The following FYB2 variants were observed in gnomAD, a reference collection of about 807,000 sequenced individuals.
The protein encoded by FYB2 is FYN binding protein 2.
FYB2 carries 103 observed loss-of-function variants against 94.1 expected under a neutral mutation model. That is an observed-to-expected ratio of 1.09 (90% CI 0.93 to 1.29). The LOEUF (loss-of-function observed/expected upper bound fraction) is 1.29. Among genes scored for constraint, FYB2 ranks in the 50% most tolerant of loss-of-function variants. The pLI is 0.00. For synonymous variants in FYB2, 293 were observed against 287.9 expected (o/e 1.02, Z -0.18); for missense variants, 896 against 841.5 (o/e 1.06, Z -0.80).
intron 4 of FYB2, among the ~76,000 whole-genome samples, chr1:56,775,822 G>C (rs1056876626): frequency 6.6e-6 from 1 of 152,172 alleles, no homozygotes; most frequent in Non-Finnish European, 1.5e-5. Flanking sequence ...CTATTAGCTA[G>C]AGACATAATG....
chr1:56,801,968 T>G (rs1273751746), intron 1 of FYB2, among the ~76,000 whole-genome samples: 1 of 152,190 alleles, frequency 6.6e-6, no homozygotes, highest in Non-Finnish European at 1.5e-5. Flanking sequence ...CTTTGCAGTT[T>G]TTAGGGGCTG....
At chr1:56,722,397 G>A (rs928948101) in intron 17 of FYB2, among the ~76,000 whole-genome samples, 2 of 152,058 alleles carry the variant, frequency 1.3e-5, no homozygotes, top group Non-Finnish European at 2.9e-5. Flanking sequence ...AGTGTAATAT[G>A]ATGAACATGT....
chr1:56,806,755 A>C (rs1017526123), intron 1 of FYB2, among the ~76,000 whole-genome samples: 3 of 134,728 alleles, frequency 2.2e-5, no homozygotes, highest in Non-Finnish European at 4.8e-5. Context: ...CAAAACCAAA[A>C]AATGCTATGG....
chr1:56,803,722 G>A (rs1252434370), intron 1 of FYB2, among the ~76,000 whole-genome samples: 5 of 152,306 alleles, frequency 3.3e-5, no homozygotes, highest in Non-Finnish European at 5.9e-5. Flanking sequence ...ACAGCTTTAT[G>A]TTGCAGTCAC....
chr1:56,733,558 T>C (rs1052301210), intron 15 of FYB2, among the ~76,000 whole-genome samples: 3 of 152,308 alleles, frequency 2.0e-5, no homozygotes, highest in Non-Finnish European at 4.4e-5. Flanking sequence ...CTTCTTTCTC[T>C]TGTGGGCATT....
intron 15 of FYB2, among the ~76,000 whole-genome samples, chr1:56,735,544 T>C (rs778756795): frequency 2.0e-4 from 31 of 152,142 alleles, no homozygotes; most frequent in Non-Finnish European, 4.3e-4. Flanking sequence ...ACCACTGATA[T>C]GGTCAGGCTT....
At chr1:56,757,353 A>G (rs753972206) in intron 6 of FYB2, among the ~76,000 whole-genome samples, 14 of 152,062 alleles carry the variant, frequency 9.2e-5, no homozygotes, top group Non-Finnish European at 1.5e-4. Flanking sequence ...AGCAAGCATA[A>G]GAGAACCAAA....
Position 56,819,322 on chromosome 1 carries a change from A to C in FYB2, c.-32T>G, listed in dbSNP as rs781163907. 6.2e-7 allele frequency: 1 copy of C among 1,614,136 alleles called. No homozygotes were observed. Among genetic ancestry groups the C allele is most frequent in the East Asian group, 2.2e-5 (1 of 44,876 alleles). The stretch of plus-strand genomic sequence containing the variant: ...CCTCCAAGGCAGAGTCAGGGAAACA[A>C]GCCCAGCCTCTCAGAGCTGGGTCCT... On this transcript the variant is annotated 5_prime_UTR_variant, in exon 1 of 20. Coordinates refer to ENST00000343433, the MANE Select transcript of FYB2 (RefSeq NM_001004303.5).
At chr1:56,819,602 C>G (rs930731019), upstream of FYB2, 51 of 525,534 alleles carry the variant, frequency 9.7e-5, no homozygotes, top group Admixed American at 3.5e-4. Context: ...CGTTGCTCCC[C>G]TCCGGCTGGT....
At chr1:56,722,570 A>G (rs568073664) in intron 17 of FYB2, among the ~76,000 whole-genome samples, 46 of 152,206 alleles carry the variant, frequency 3.0e-4, no homozygotes, top group Admixed American at 5.2e-4. Flanking sequence ...TCAGATACAG[A>G]AAAGTGCAAA....
intron 6 of FYB2, among the ~76,000 whole-genome samples, chr1:56,757,702 C>CT (rs1259138384): frequency 1.2e-5 from 1 of 81,252 alleles, no homozygotes; most frequent in Non-Finnish European, 2.3e-5. Context: ...TTCTTTCTTT[C>CT]TTTCTTTCTT....
chr1:56,726,646 A>G, intron 15 of FYB2, 63 bp from the exon 16 acceptor site: 1 of 1,330,066 alleles, frequency 7.5e-7, no homozygotes. Flanking sequence ...TGGAACCATC[A>G]ACACTTCATG....
At chr1:56,787,147 C>G in intron 4 of FYB2, 28 bp downstream of exon 4, 1 of 1,613,422 alleles carries the variant, frequency 6.2e-7, no homozygotes, top group South Asian at 1.1e-5. Flanking sequence ...GGGCTACGTT[C>G]CTACACAACT....
rs182254281 is a variant in FYB2, at chr1:56,773,800, G to A, written c.954-5862C>T. ...TCCACTTAATATTTCAATGGGCCAT[G>A]CATTTTGGAGACAGGATGAACAGGA... is the stretch of plus-strand genomic sequence containing the variant. On this transcript the variant is annotated intron_variant, in intron 4 of 19. Transcript: ENST00000343433. Among the ~76,000 whole-genome samples the A allele has an allele frequency of 1.4e-3, 209 of 152,260 alleles. 1 individual carries two copies. Among genetic ancestry groups the A allele is most frequent in the African/African-American group, 4.9e-3 (205 of 41,572 alleles).
rs112262351 is a variant in FYB2, at chr1:56,726,930, A to G, written c.1794-347T>C. Among the ~76,000 whole-genome samples, 162 of 143,548 alleles carry G rather than the reference A, an allele frequency of 1.1e-3. 1 individual carries two copies. Among genetic ancestry groups the G allele is most frequent in the African/African-American group, 3.9e-3 (155 of 39,706 alleles). The allele number at this position is 143,548 out of a possible 152,430, so 94.2% of individuals were successfully genotyped here. A position where few individuals can be genotyped will look rare whatever the true frequency, so the allele number is the denominator to read the frequency against. On this transcript the variant is annotated intron_variant, in intron 15 of 19. Transcript: ENST00000343433. Reference sequence around the variant, plus strand: ...CTTATAATCACATTTCATCTCCTTTATGAGCCTCAGTTTTGTTTTGTTTTT... The same window carrying G: ...CTTATAATCACATTTCATCTCCTTTGTGAGCCTCAGTTTTGTTTTGTTTTT...
intron 15 of FYB2, among the ~76,000 whole-genome samples, chr1:56,729,264 T>G (rs1217518055): frequency 6.6e-6 from 1 of 152,090 alleles, no homozygotes; most frequent in African/African-American, 2.4e-5. Flanking sequence ...TTCAGGGAGT[T>G]GTAGTAATCT....
intron 4 of FYB2, among the ~76,000 whole-genome samples, chr1:56,768,375 T>A (rs1054863070): frequency 1.3e-5 from 2 of 152,192 alleles, no homozygotes; most frequent in Non-Finnish European, 2.9e-5. Flanking sequence ...GCTATCAGCA[T>A]CAAGTCCAGA....
chr1:56,820,373 G>T (rs574138053), upstream of FYB2, among the ~76,000 whole-genome samples: 395 of 152,304 alleles, frequency 2.6e-3, 2 homozygotes, highest in Non-Finnish European at 4.2e-3. Context: ...GGTTATTTTT[G>T]TTTGTTTGTT....
chr1:56,798,107 G>T (rs562952936), intron 1 of FYB2, among the ~76,000 whole-genome samples: 1 of 152,212 alleles, frequency 6.6e-6, no homozygotes, highest in Non-Finnish European at 1.5e-5. Flanking sequence ...GAATGAATGA[G>T]TCAGTGAATA....
Sources: gnomAD v4.1 joint callset for allele counts (sites outside exome capture counted in the v4.1 genomes callset) on GRCh38, gnomAD v4.1.1 for gene constraint, MANE v1.5 for transcripts, NCBI Gene and HGNC (gene_info 2026-07-23, HGNC 2026-07-21) for gene names.